The following TRERF1 variants were observed in gnomAD, a reference collection of about 807,000 sequenced individuals.
TRERF1 encodes transcriptional regulating factor 1.
TRERF1 carries 27 observed loss-of-function variants against 122.9 expected under a neutral mutation model. That is an observed-to-expected ratio of 0.22 (90% CI 0.16 to 0.30). The LOEUF (loss-of-function observed/expected upper bound fraction) is 0.30. TRERF1 is among the 10% of genes least tolerant of loss of function. TRERF1 has a pLI of 1.00. For missense variants in TRERF1, 1,248 were observed against 1,560.3 expected, an observed-to-expected ratio of 0.80 and a Z score of 3.37; for synonymous variants, 636 against 641.7, an observed-to-expected ratio of 0.99 and a Z score of 0.13.
At chr6:42,427,398 T>C (rs184779562) in intron 2 of TRERF1, among the ~76,000 whole-genome samples, 123 of 151,630 alleles carry the variant, frequency 8.1e-4, no homozygotes, top group African/African-American at 3.0e-3. Flanking sequence ...GCTAGGACTA[T>C]AGGCGTGCAC....
intron 3 of TRERF1, among the ~76,000 whole-genome samples, chr6:42,343,903 G>A (rs748452333): frequency 3.9e-5 from 6 of 152,220 alleles, no homozygotes; most frequent in African/African-American, 9.6e-5. Flanking sequence ...ACGGACTGAC[G>A]CATAACTGAC....
chr6:42,356,837 G>T (rs1464638685), intron 3 of TRERF1, among the ~76,000 whole-genome samples: 2 of 151,990 alleles, frequency 1.3e-5, no homozygotes, highest in Non-Finnish European at 2.9e-5. Context: ...CTCCCAAAGT[G>T]CTGGGATTAC....
At chr6:42,374,150 A>AG (rs1554193490) in intron 2 of TRERF1, among the ~76,000 whole-genome samples, 103 of 144,030 alleles carry the variant, frequency 7.2e-4, no homozygotes, top group South Asian at 2.7e-3. Flanking sequence ...AAAAAAAAAA[A>AG]AAGAAGAAGA....
chr6:42,381,939 A>G (rs1776007641), intron 2 of TRERF1, among the ~76,000 whole-genome samples: 1 of 150,934 alleles, frequency 6.6e-6, no homozygotes. Flanking sequence ...GGCTGAAACC[A>G]ATAATAATAA....
intron 2 of TRERF1, among the ~76,000 whole-genome samples, chr6:42,384,661 T>G (rs1021080836): frequency 1.3e-5 from 2 of 152,218 alleles, no homozygotes; most frequent in Admixed American, 1.3e-4. Context: ...TCTAAGTAAC[T>G]GATCTAGTTC....
rs1320486036 is a variant in TRERF1 at position 42,275,538 on chromosome 6, G to A, written c.-258-5690C>T. On this transcript the variant is annotated intron_variant, in intron 4 of 17. Transcript: ENST00000372922. This position sits in a 1 kb window ranked among gnomAD's most constrained non-coding sequence, Gnocchi z 4.1. ...CTGGCTGCCCAGTCACTGTGATGTAGGGACAGCAGCCTGCCCATGTGGTGT... is the reference window on the plus strand; with the variant it reads ...CTGGCTGCCCAGTCACTGTGATGTAAGGACAGCAGCCTGCCCATGTGGTGT... Among the ~76,000 whole-genome samples the A allele has an allele frequency of 6.6e-6, 1 of 152,242 alleles. No homozygotes were observed. Among genetic ancestry groups the A allele is most frequent in the African/African-American group, 2.4e-5 (1 of 41,474 alleles).
chr6:42,242,928 C>T (rs1203801817), intron 15 of TRERF1, among the ~76,000 whole-genome samples: 2 of 152,138 alleles, frequency 1.3e-5, no homozygotes, highest in Admixed American at 1.3e-4. Flanking sequence ...GGGGTCAGGA[C>T]ACCACCCAAT....
intron 1 of TRERF1, among the ~76,000 whole-genome samples, 179 bp downstream of exon 1, chr6:42,451,495 C>T (rs1039697834): frequency 7.2e-5 from 11 of 151,952 alleles, no homozygotes; most frequent in African/African-American, 2.7e-4. Flanking sequence ...ACCACCTCCT[C>T]CACCACCCCA....
chr6:42,328,346 AAAC>A (rs1269737771), intron 3 of TRERF1, among the ~76,000 whole-genome samples: 1 of 152,152 alleles, frequency 6.6e-6, no homozygotes, highest in Non-Finnish European at 1.5e-5. Context: ...ACAAACAAAA[AAAC>A]AACTTTTATT....
chr6:42,347,331 G>A (rs1768490720), intron 3 of TRERF1, among the ~76,000 whole-genome samples: 1 of 152,150 alleles, frequency 6.6e-6, no homozygotes, highest in African/African-American at 2.4e-5. Context: ...TTACTATGTG[G>A]CAGAAAGTTT....
intron 10 of TRERF1, 146 bp downstream of exon 10, chr6:42,257,989 G>A: frequency 1.5e-6 from 1 of 664,882 alleles, no homozygotes; most frequent in East Asian, 2.7e-5. Context: ...CCATTGTGCA[G>A]GGAAACAACA....
chr6:42,228,740 A>G lies in TRERF1; in HGVS notation c.3279-71T>C, dbSNP rs1180777464. 2.1e-6 allele frequency: 3 copies of G among 1,461,462 alleles called. No homozygotes were observed. The highest frequency in any genetic ancestry group is 1.3e-5 in the South Asian group (1 of 74,154). The allele number at this position is 1,461,462 out of a possible 1,614,324, so 90.5% of individuals were successfully genotyped here. A position where few individuals can be genotyped will look rare whatever the true frequency, so the allele number is the denominator to read the frequency against. On this transcript the variant is annotated intron_variant, in intron 17 of 17. Coordinates refer to ENST00000372922, the Ensembl canonical transcript of TRERF1. The surrounding 1 kb of genome is among the most constrained non-coding windows in gnomAD (Gnocchi z 4.2). ...GAGTTCTTGGAAATCCAGGTGTCCT[A>G]CGGGGAATGGGGGTGTGTGGTCTGA...
intron 2 of TRERF1, among the ~76,000 whole-genome samples, chr6:42,379,826 C>A (rs1775598657): frequency 6.6e-6 from 1 of 152,212 alleles, no homozygotes; most frequent in Admixed American, 6.5e-5. Flanking sequence ...CAGGTGTGAG[C>A]CATCACGCCC....
At chr6:42,287,898 C>G (rs2150110916) in intron 4 of TRERF1, among the ~76,000 whole-genome samples, 1 of 152,226 alleles carries the variant, frequency 6.6e-6, no homozygotes, top group South Asian at 2.1e-4. Context: ...CACAGAAAGC[C>G]CTCACAATCT....
intron 2 of TRERF1, among the ~76,000 whole-genome samples, chr6:42,390,018 G>T (rs1056146357): frequency 2.6e-5 from 4 of 152,118 alleles, no homozygotes; most frequent in East Asian, 1.9e-4. Context: ...GTTAATATAC[G>T]TGGGCCCTTT....
At chr6:42,316,850 T>C (rs1762588092) in intron 3 of TRERF1, among the ~76,000 whole-genome samples, 1 of 152,208 alleles carries the variant, frequency 6.6e-6, no homozygotes, top group Admixed American at 6.5e-5. Context: ...TGCCTTTTTA[T>C]AATCCCTTGC....
At chr6:42,391,707 C>T (rs911489475) in intron 2 of TRERF1, among the ~76,000 whole-genome samples, 1 of 152,100 alleles carries the variant, frequency 6.6e-6, no homozygotes, top group African/African-American at 2.4e-5. Context: ...TCTTCTGCCC[C>T]CACCTTCACC....
rs192098680 is a variant in TRERF1 at position 42,331,295 on chromosome 6, T to C, written c.-370-30546A>G. ...CAGAGAAGGATGTGCATAAGAAGAA[T>C]GTGATCTGCTTGGTGAAGTCCAGAG... On this transcript the variant is annotated intron_variant, in intron 3 of 17. Coordinates refer to ENST00000372922, the Ensembl canonical transcript of TRERF1. 7.2e-5 allele frequency among the ~76,000 whole-genome samples: 11 copies of C among 152,094 alleles called. No individual in the cohort carries two copies. The East Asian group carries it at 1.5e-3, about 21-fold the overall frequency.
chr6:42,329,622 T>C (rs76865221), intron 3 of TRERF1, among the ~76,000 whole-genome samples: 16,320 of 151,824 alleles, frequency 0.11, 1,487 homozygotes, highest in African/African-American at 0.25. Flanking sequence ...TATATAGATA[T>C]AAAGGAAGTT....
Sources: allele counts gnomAD v4.1 joint callset (sites outside exome capture counted in the v4.1 genomes callset), GRCh38; gene constraint gnomAD v4.1.1; non-coding constraint Gnocchi (gnomAD v3.1); transcripts MANE v1.5; gene names NCBI Gene and HGNC (gene_info 2026-07-23, HGNC 2026-07-21).